Variants in KCTD2 observed in about 807,000 individuals in gnomAD.
The protein encoded by KCTD2 is potassium channel tetramerization domain containing 2.
Under a neutral mutation model 27.9 loss-of-function variants are expected in KCTD2, and 18 were observed. The ratio of observed to expected loss-of-function variants is 0.64; its 90% CI spans 0.45 to 0.96. KCTD2 has a LOEUF of 0.96. Ranked by LOEUF, KCTD2 falls within the 40% of genes least tolerant of loss-of-function variation. The probability of loss-of-function intolerance (pLI) is 0.00; values close to 1 mark genes in which losing one functional copy is unlikely to be tolerated. For synonymous variants in KCTD2, 175 were observed against 148.4 expected (o/e 1.18, Z -1.30); for missense variants, 280 against 348.0 (o/e 0.80, Z 1.56).
intron 4 of KCTD2, chr17:75,060,351 A>C: frequency 7.8e-7 from 1 of 1,285,546 alleles, no homozygotes. Flanking sequence ...CACTGGAAAA[A>C]TGTAGTCCTT....
intron 4 of KCTD2, 145 bp downstream of exon 4, chr17:75,059,750 C>T (rs2144940240): frequency 1.6e-6 from 1 of 623,640 alleles, no homozygotes; most frequent in Non-Finnish European, 2.8e-6. Flanking sequence ...GGCAAAGAGC[C>T]ATTTGGTGGG....
chr17:75,059,904 G>T (rs906700124), intron 4 of KCTD2, among the ~76,000 whole-genome samples: 1 of 152,194 alleles, frequency 6.6e-6, no homozygotes, highest in African/African-American at 2.4e-5. Context: ...CCCTCACAGG[G>T]ATCGTAGAAT....
At chr17:75,048,238 G>A (rs376239291) in intron 1 of KCTD2, among the ~76,000 whole-genome samples, 1 of 152,300 alleles carries the variant, frequency 6.6e-6, no homozygotes, top group East Asian at 1.9e-4. Context: ...ATTTTCCCGG[G>A]AAAATTTTGG....
At chr17:75,044,204 T>TAGTAGAGACAGGGTTTCTCCACG (rs1567988354), upstream of KCTD2, among the ~76,000 whole-genome samples, 800 of 111,904 alleles carry the variant, frequency 7.1e-3, 73 homozygotes, top group African/African-American at 0.021. Context: ...TTTGTATTTT[T>TAGTAGAGACAGGGTTTCTCCACG]TTTTTTTTTT....
At chr17:75,043,093 G>A (rs1447321184), upstream of KCTD2, among the ~76,000 whole-genome samples, 3 of 151,908 alleles carry the variant, frequency 2.0e-5, no homozygotes, top group East Asian at 1.9e-4. Context: ...GTGGTGGCCC[G>A]CGCCATAATC....
At chr17:75,046,463 ATCTT>A (rs897588537), upstream of KCTD2, among the ~76,000 whole-genome samples, 11 of 152,156 alleles carry the variant, frequency 7.2e-5, no homozygotes, top group African/African-American at 1.2e-4. Context: ...TGCTCAATGA[ATCTT>A]TCTTGAATGA....
chr17:75,058,048 G>A (rs573913461), intron 3 of KCTD2, among the ~76,000 whole-genome samples: 1 of 151,428 alleles, frequency 6.6e-6, no homozygotes, highest in East Asian at 2.0e-4. Flanking sequence ...AATTGGCTGG[G>A]CACAGTGGCT....
chr17:75,062,699 A>AACACACACACACACAC (rs10533801), intron 5 of KCTD2, among the ~76,000 whole-genome samples: 4,312 of 115,978 alleles, frequency 0.037, 299 homozygotes, highest in Non-Finnish European at 0.049. Flanking sequence ...CCTCACCCCC[A>AACACACACACACACAC]ACACACACAC....
chr17:75,042,697 G>C (rs1199335814), upstream of KCTD2: 1 of 1,575,706 alleles, frequency 6.3e-7, no homozygotes. Flanking sequence ...GCTTTTTTAT[G>C]AGGTGAATTT....
At position 75,038,615 on chromosome 17, in the gene KCTD2, A is replaced by G. The variant is rs2073126501; in HGVS notation, c.-259+3258A>G. On this transcript the variant is annotated intron_variant, in intron 3 of 7. Transcript: ENST00000581589. ...TGAAACCAAAGAGGAAGTTGAAGAG[A>G]ATCAGCAGATAACAATTCTTTACTA... Among the ~76,000 whole-genome samples, 4 of 152,218 alleles carry G rather than the reference A, an allele frequency of 2.6e-5. No homozygotes were observed. The South Asian group carries it at 8.3e-4, about 32-fold the overall frequency.
chr17:75,039,333 A>G, intron 3 of KCTD2: 1 of 1,477,590 alleles, frequency 6.8e-7, no homozygotes, highest in Non-Finnish European at 9.4e-7. Context: ...AGCAGCTGCT[A>G]AGGTAGGAGT....
chr17:75,059,705 G>T, intron 4 of KCTD2, 100 bp downstream of exon 4: 1 of 879,074 alleles, frequency 1.1e-6, no homozygotes, highest in Non-Finnish European at 1.8e-6. Context: ...CACGGGAGAC[G>T]GCTACGGCCA....
At chr17:75,059,634 A>AG in intron 4 of KCTD2, 29 bp downstream of exon 4, 1 of 1,567,202 alleles carries the variant, frequency 6.4e-7, no homozygotes, top group Admixed American at 1.7e-5. Flanking sequence ...CAGCAATCCC[A>AG]GGCCCCGTTC....
At chr17:75,047,697 CG>C in intron 1 of KCTD2, 108 bp downstream of exon 1, 1 of 1,150,894 alleles carries the variant, frequency 8.7e-7, no homozygotes, top group Non-Finnish European at 1.2e-6. Flanking sequence ...CCCCTCAGGC[CG>C]GGACCCCATC....
intron 4 of KCTD2, among the ~76,000 whole-genome samples, chr17:75,061,866 G>C (rs138589205): frequency 3.3e-5 from 5 of 152,076 alleles, no homozygotes; most frequent in East Asian, 3.9e-4. Context: ...CCGCTGACGG[G>C]GGGGGACTTC....
At chr17:75,044,867 C>T (rs2073197270), upstream of KCTD2, among the ~76,000 whole-genome samples, 1 of 152,144 alleles carries the variant, frequency 6.6e-6, no homozygotes, top group Admixed American at 6.5e-5. Context: ...TTGTCAAACA[C>T]CTGTCCTGTC....
At chr17:75,039,361 G>GCTGTC (rs1243114892) in intron 3 of KCTD2, 1 of 1,151,168 alleles carries the variant, frequency 8.7e-7, no homozygotes, top group East Asian at 2.4e-5. Flanking sequence ...GCCCACTCCT[G>GCTGTC]CTGTCCTATT....
intron 1 of KCTD2, chr17:75,048,697 TG>T (rs1250099595): frequency 6.5e-6 from 1 of 153,030 alleles, no homozygotes; most frequent in South Asian, 2.0e-4. Flanking sequence ...GGCACAGAGC[TG>T]GGGTGTGTGA....
Position 75,063,318 on chromosome 17 carries a change from T to C in KCTD2, c.*271T>C. 1 of 479,026 alleles carries C rather than the reference T, an allele frequency of 2.1e-6. No homozygotes were observed. Among genetic ancestry groups the C allele is most frequent in the Non-Finnish European group, 3.8e-6 (1 of 264,138 alleles). 29.7% of individuals were successfully genotyped at this position (479,026 alleles called of 1,614,324 possible). A position where few individuals can be genotyped will look rare whatever the true frequency, so the allele number is the denominator to read the frequency against. On this transcript the variant is annotated 3_prime_UTR_variant, in exon 6 of 6. Transcript: ENST00000322444. ...TAGAACAGATCTTTACAACAGCAGC[T>C]GGGCTGGGTTCCCAGTCGGAGCCTT... is the stretch of plus-strand genomic sequence containing the variant.
Sources: gnomAD v4.1 joint callset for allele counts (sites outside exome capture counted in the v4.1 genomes callset) on GRCh38, gnomAD v4.1.1 for gene constraint, MANE v1.5 for transcripts, NCBI Gene and HGNC (gene_info 2026-07-23, HGNC 2026-07-21) for gene names.